The following PCDH15 variants were observed in gnomAD, a reference collection of about 807,000 sequenced individuals.
PCDH15 encodes protocadherin related 15, also known as protocadherin-15.
PCDH15 carries 129 observed loss-of-function variants against 178.5 expected under a neutral mutation model. The ratio of observed to expected loss-of-function variants is 0.72; its 90% CI spans 0.63 to 0.84. PCDH15 has a LOEUF of 0.84. Among genes scored for constraint, PCDH15 ranks in the 40% least tolerant of loss-of-function variants. PCDH15 has a pLI of 0.00. For synonymous variants in PCDH15, 800 were observed against 732.0 expected (o/e 1.09, Z -1.50); for missense variants, 2,230 against 2,099.9 (o/e 1.06, Z -1.21).
chr10:54,582,215 A>G (rs1000805426), intron 2 of PCDH15, among the ~76,000 whole-genome samples: 2 of 152,138 alleles, frequency 1.3e-5, no homozygotes, highest in African/African-American at 4.8e-5. Context: ...GAATCTATAA[A>G]AAACTTAAAC....
upstream of PCDH15, among the ~76,000 whole-genome samples, chr10:54,804,839 C>A: frequency 6.8e-6 from 1 of 147,982 alleles, no homozygotes; most frequent in Non-Finnish European, 1.5e-5. Flanking sequence ...ATTTAATGAA[C>A]AATGAAAAGC....
At chr10:55,159,540 G>A (rs1382804346) in intron 2 of PCDH15, among the ~76,000 whole-genome samples, 4 of 148,794 alleles carry the variant, frequency 2.7e-5, no homozygotes, top group South Asian at 2.1e-4. Flanking sequence ...AGACTAGGAC[G>A]TGACAAAATA....
At chr10:53,938,471 C>A (rs56105105) in intron 25 of PCDH15, among the ~76,000 whole-genome samples, 1 of 152,094 alleles carries the variant, frequency 6.6e-6, no homozygotes, top group Admixed American at 6.6e-5. Context: ...CAGGCAATTT[C>A]TAGAAGTCAT....
At chr10:54,728,459 T>C in intron 1 of PCDH15, among the ~76,000 whole-genome samples, 1 of 151,340 alleles carries the variant, frequency 6.6e-6, no homozygotes, top group Non-Finnish European at 1.5e-5. Context: ...TAGCCTTCTA[T>C]TGACTGACCC....
intron 2 of PCDH15, among the ~76,000 whole-genome samples, chr10:54,925,224 T>C (rs1173850382): frequency 6.6e-6 from 1 of 152,170 alleles, no homozygotes; most frequent in Non-Finnish European, 1.5e-5. Flanking sequence ...TACTTGCTTT[T>C]GTTGACTTTG....
chr10:55,176,244 C>A (rs2132128913), intron 1 of PCDH15, among the ~76,000 whole-genome samples: 1 of 152,186 alleles, frequency 6.6e-6, no homozygotes. Context: ...TTTTCCCAAC[C>A]CATTAGTTGT....
intron 1 of PCDH15, among the ~76,000 whole-genome samples, chr10:54,798,116 T>A (rs1952238282): frequency 6.6e-6 from 1 of 152,046 alleles, no homozygotes; most frequent in Non-Finnish European, 1.5e-5. Context: ...CTGGGTGATT[T>A]ACACCTCTGG....
chr10:53,817,968 A>G (rs2076126115), intron 34 of PCDH15, 27 bp downstream of exon 34: 1 of 398,730 alleles, frequency 2.5e-6, no homozygotes, highest in Non-Finnish European at 4.4e-6. Context: ...TATGCTTGTT[A>G]CGACATCAAC....
intron 1 of PCDH15, among the ~76,000 whole-genome samples, chr10:55,309,228 T>C (rs1770608106): frequency 6.6e-6 from 1 of 152,168 alleles, no homozygotes; most frequent in South Asian, 2.1e-4. Context: ...TAAAAACAGT[T>C]AAAAGGCTGG....
chr10:54,595,635 G>GCTGTCTTAGCAATTTATCACAAAATTAGT (rs2092189430), intron 2 of PCDH15, among the ~76,000 whole-genome samples: 3 of 152,088 alleles, frequency 2.0e-5, no homozygotes, highest in Admixed American at 6.6e-5. Flanking sequence ...TTCAGATTAT[G>GCTGTCTTAGCAATTTATCACAAAATTAGT]GATAGGAATA....
At chr10:55,426,661 G>A (rs1466548759) in intron 2 of PCDH15, among the ~76,000 whole-genome samples, 2 of 152,208 alleles carry the variant, frequency 1.3e-5, no homozygotes, top group Non-Finnish European at 2.9e-5. Flanking sequence ...CAGTATGACA[G>A]TCTTTCGCTT....
intron 3 of PCDH15, among the ~76,000 whole-genome samples, chr10:54,879,798 AT>A (rs1954227035): frequency 6.6e-6 from 1 of 151,940 alleles, no homozygotes; most frequent in Non-Finnish European, 1.5e-5. Context: ...ATTAACAAAT[AT>A]TAACATATTG....
rs867476147 is a variant in PCDH15, at chr10:54,215,412, T to C, written c.986-1364A>G. ...TAAAATCTACAAATAGTCAAAATTA[T>C]AGATGAAATGCAATATATGATAAAG... On this transcript the variant is annotated intron_variant, in intron 9 of 37. Coordinates refer to ENST00000644397, the MANE Select transcript of PCDH15 (RefSeq NM_001384140.1). Among the ~76,000 whole-genome samples, 14 of 152,276 alleles carry C rather than the reference T, an allele frequency of 9.2e-5. No homozygotes were observed. The Middle Eastern group carries it at 0.01, about 111-fold the overall frequency.
chr10:55,569,714 C>T (rs1842370342), intron 2 of PCDH15, among the ~76,000 whole-genome samples: 1 of 151,820 alleles, frequency 6.6e-6, no homozygotes, highest in Admixed American at 6.6e-5. Flanking sequence ...TCCAAATATG[C>T]TATTTTCAGA....
intron 2 of PCDH15, among the ~76,000 whole-genome samples, chr10:55,009,670 C>A (rs371358645): frequency 2.8e-4 from 43 of 152,004 alleles, no homozygotes; most frequent in African/African-American, 9.2e-4. Flanking sequence ...TTAGGTGTTA[C>A]CTGTTCCAAG....
At chr10:54,967,234 A>T (rs539796803) in intron 2 of PCDH15, among the ~76,000 whole-genome samples, 5 of 152,294 alleles carry the variant, frequency 3.3e-5, no homozygotes, top group African/African-American at 9.6e-5. Flanking sequence ...TCAACTTCAT[A>T]TATGTGGTGA....
At chr10:54,242,944 C>T (rs1249957597) in intron 8 of PCDH15, among the ~76,000 whole-genome samples, 1 of 152,098 alleles carries the variant, frequency 6.6e-6, no homozygotes, top group Non-Finnish European at 1.5e-5. Flanking sequence ...TAGATCTTTA[C>T]ACTGTATTTT....
intron 18 of PCDH15, among the ~76,000 whole-genome samples, chr10:54,046,866 G>A (rs1388177494): frequency 7.4e-6 from 1 of 135,252 alleles, no homozygotes; most frequent in African/African-American, 2.9e-5. Context: ...GGATATAGCT[G>A]GAATTCTTTC....
intron 2 of PCDH15, among the ~76,000 whole-genome samples, chr10:54,588,906 T>C (rs1248633874): frequency 1.5e-4 from 23 of 152,142 alleles, no homozygotes; most frequent in Non-Finnish European, 1.5e-5. Flanking sequence ...GAGTTGAGAA[T>C]GGCTGCTAGC....
Sources: gnomAD v4.1 joint callset for allele counts (sites outside exome capture counted in the v4.1 genomes callset) on GRCh38, gnomAD v4.1.1 for gene constraint, MANE v1.5 for transcripts, NCBI Gene and HGNC (gene_info 2026-07-23, HGNC 2026-07-21) for gene names.